RAB3GAP2: variants seen among roughly 807,000 people sequenced by gnomAD.
The protein encoded by RAB3GAP2 is RAB3 GTPase activating non-catalytic protein subunit 2.
Under a neutral mutation model 185.3 loss-of-function variants are expected in RAB3GAP2, and 87 were observed. That is an observed-to-expected ratio of 0.47 (90% CI 0.39 to 0.56). The LOEUF (loss-of-function observed/expected upper bound fraction) is 0.56, where lower values mean the gene tolerates loss of function less well. Among genes scored for constraint, RAB3GAP2 ranks in the 20% least tolerant of loss-of-function variants. The probability of loss-of-function intolerance (pLI) is 0.00; values close to 1 mark genes in which losing one functional copy is unlikely to be tolerated. For synonymous variants in RAB3GAP2, 554 were observed against 576.1 expected (o/e 0.96, Z 0.55); for missense variants, 1,492 against 1,638.2 (o/e 0.91, Z 1.54).
intron 2 of RAB3GAP2, among the ~76,000 whole-genome samples, chr1:220,216,453 T>C (rs1659203114): frequency 6.6e-6 from 1 of 152,178 alleles, no homozygotes; most frequent in Non-Finnish European, 1.5e-5. Flanking sequence ...ACCCAACACA[T>C]CACTCCTCAT....
At chr1:220,179,353 A>G (rs73098567) in intron 21 of RAB3GAP2, among the ~76,000 whole-genome samples, 7,586 of 152,232 alleles carry the variant, frequency 0.05, 228 homozygotes, top group African/African-American at 0.083. Context: ...GCACCCAACA[A>G]TGGAGCACTC....
intron 17 of RAB3GAP2, among the ~76,000 whole-genome samples, chr1:220,188,994 T>C (rs899901136): frequency 6.6e-6 from 1 of 151,730 alleles, no homozygotes. Flanking sequence ...CATCAACAGG[T>C]TTCAAAGGAG....
chr1:220,151,869 G>A (rs1657764180), intron 33 of RAB3GAP2, 105 bp from the exon 34 acceptor site: 1 of 1,217,924 alleles, frequency 8.2e-7, no homozygotes, highest in Non-Finnish European at 1.2e-6. Context: ...TTTTTGAACT[G>A]TGGCCATTTA....
rs1030313955 is a variant in RAB3GAP2, at chr1:220,254,036, TTAAAG to T, written c.115+18182_115+18186del. 3.7e-6 allele frequency: 6 copies of T among 1,613,734 alleles called. No homozygotes were observed. The African/African-American group carries it at 4.0e-5, about 11-fold the overall frequency. On this transcript the variant is annotated intron_variant, in intron 1 of 34. Transcript: ENST00000358951. ...GAAACATTCATGAACAGAGTTGAAG[TTAAAG>T]TAAAGATTCCTGAATAGCTAAAACC...
chr1:220,225,954 C>G (rs1480140481), intron 2 of RAB3GAP2, among the ~76,000 whole-genome samples: 1 of 152,324 alleles, frequency 6.6e-6, no homozygotes, highest in East Asian at 1.9e-4. Context: ...CACTTCTCAG[C>G]CTGTAAACAA....
chr1:220,188,692 A>G lies in RAB3GAP2; in HGVS notation c.1779+1011T>C, dbSNP rs527819064. On this transcript the variant is annotated intron_variant, in intron 17 of 34. Transcript: ENST00000358951. ...CCCTAGCAATTCCACTCTTAGGTAT[A>G]AACGCCAGAGAGACTCTTGCATATG... is the stretch of plus-strand genomic sequence containing the variant. 2.6e-5 allele frequency among the ~76,000 whole-genome samples: 4 copies of G among 152,336 alleles called. No homozygotes were observed. In the South Asian group the frequency reaches 8.3e-4, roughly 32 times the overall value.
intron 2 of RAB3GAP2, among the ~76,000 whole-genome samples, chr1:220,220,779 T>C (rs1659291051): frequency 6.6e-6 from 1 of 152,212 alleles, no homozygotes. Context: ...GGAGTTTCCC[T>C]GCACAAGCTC....
intron 2 of RAB3GAP2, among the ~76,000 whole-genome samples, chr1:220,220,104 A>C (rs1659277462): frequency 6.6e-6 from 1 of 152,216 alleles, no homozygotes; most frequent in Non-Finnish European, 1.5e-5. Context: ...GTAAAACAAA[A>C]AAAGCACCTC....
At chr1:220,245,279 G>T (rs1659780952) in intron 1 of RAB3GAP2, among the ~76,000 whole-genome samples, 1 of 152,232 alleles carries the variant, frequency 6.6e-6, no homozygotes, top group Non-Finnish European at 1.5e-5. Flanking sequence ...ACTAGGGAGT[G>T]CCAGACAGTG....
In RAB3GAP2 at chr1:220,154,877, C is replaced by T. The variant is rs376224187; in HGVS notation, c.3556-820G>A. ...CTGGGACTACAGGCGTGTACTACCA[C>T]GCCAAGGCTAATTTTTTTGTATTTT... is the stretch of plus-strand genomic sequence containing the variant. On this transcript the variant is annotated intron_variant, in intron 31 of 34. Transcript: ENST00000358951. Among the ~76,000 whole-genome samples the T allele has an allele frequency of 3.4e-4, 51 of 152,086 alleles. No homozygotes were observed. The East Asian group carries it at 7.5e-3, about 23-fold the overall frequency.
At chr1:220,268,255 G>T (rs1030814919) in intron 1 of RAB3GAP2, among the ~76,000 whole-genome samples, 1 of 152,138 alleles carries the variant, frequency 6.6e-6, no homozygotes, top group African/African-American at 2.4e-5. Flanking sequence ...AAAAGTTTAC[G>T]TTCAAAACTC....
At chr1:220,266,346 C>A in intron 1 of RAB3GAP2, 2 of 380,200 alleles carry the variant, frequency 5.3e-6, no homozygotes, top group Non-Finnish European at 1.0e-5. Flanking sequence ...AGCTCCTTAA[C>A]CGATCGAGTC....
chr1:220,211,038 G>A, intron 4 of RAB3GAP2, 36 bp from the exon 5 acceptor site: 2 of 1,584,894 alleles, frequency 1.3e-6, no homozygotes, highest in Non-Finnish European at 1.7e-6. Context: ...CTTACCCACT[G>A]AACTTACCAA....
At chr1:220,247,999 TAATA>T in intron 1 of RAB3GAP2, among the ~76,000 whole-genome samples, 1 of 151,410 alleles carries the variant, frequency 6.6e-6, no homozygotes, top group Non-Finnish European at 1.5e-5. Context: ...ACCAATAAAA[TAATA>T]AATTTTAAAT....
At chr1:220,183,055 G>T in intron 19 of RAB3GAP2, 124 bp from the exon 20 acceptor site, 1 of 725,444 alleles carries the variant, frequency 1.4e-6, no homozygotes, top group Non-Finnish European at 2.3e-6. Context: ...CATGTATTCT[G>T]CTTAAAACTT....
intron 1 of RAB3GAP2, among the ~76,000 whole-genome samples, chr1:220,249,678 C>T (rs971799115): frequency 6.6e-5 from 10 of 152,116 alleles, no homozygotes; most frequent in Non-Finnish European, 1.2e-4. Context: ...ATCACAGGCC[C>T]GGAGGCCTAG....
chr1:220,181,788 G>A (rs1452005782), intron 21 of RAB3GAP2, among the ~76,000 whole-genome samples: 1 of 152,102 alleles, frequency 6.6e-6, no homozygotes, highest in Non-Finnish European at 1.5e-5. Context: ...GGTGGTTCTT[G>A]TCTGTAATCC....
At chr1:220,179,331 G>A (rs1055081925) in intron 21 of RAB3GAP2, among the ~76,000 whole-genome samples, 2 of 149,236 alleles carry the variant, frequency 1.3e-5, no homozygotes, top group Non-Finnish European at 3.0e-5. Context: ...TCTAACAATA[G>A]TAAGTATATA....
chr1:220,261,017 AGGTAGAGTATGAGT>A (rs1187550406), intron 1 of RAB3GAP2, among the ~76,000 whole-genome samples: 8 of 152,124 alleles, frequency 5.3e-5, no homozygotes, highest in Non-Finnish European at 1.2e-4. Flanking sequence ...AACGTCTGAA[AGGTAGAGTATGAGT>A]AGCCAGGTGG....
Sources: gnomAD v4.1 joint callset for allele counts (sites outside exome capture counted in the v4.1 genomes callset) on GRCh38, gnomAD v4.1.1 for gene constraint, MANE v1.5 for transcripts, NCBI Gene and HGNC (gene_info 2026-07-23, HGNC 2026-07-21) for gene names.